Variants in DCC observed in about 807,000 individuals in gnomAD.
DCC encodes the protein DCC netrin 1 receptor, also known as netrin receptor DCC.
A neutral mutation model predicts 172.5 loss-of-function variants in DCC; 58 were observed. That is an observed-to-expected ratio of 0.34 (90% CI 0.27 to 0.42). DCC has a LOEUF of 0.42. Among genes scored for constraint, DCC ranks in the 10% least tolerant of loss-of-function variants. The pLI is 1.00. For missense variants in DCC, 1,740 were observed against 1,791.0 expected, an observed-to-expected ratio of 0.97 and a Z score of 0.51; for synonymous variants, 709 against 644.5, an observed-to-expected ratio of 1.10 and a Z score of -1.52.
At chr18:52,473,117 A>G (rs976141840) in intron 1 of DCC, among the ~76,000 whole-genome samples, 47 of 152,242 alleles carry the variant, frequency 3.1e-4, no homozygotes, top group African/African-American at 1.1e-3. Flanking sequence ...CAATGTTTTC[A>G]TTATTTTTAG....
intron 2 of DCC, among the ~76,000 whole-genome samples, chr18:52,766,273 G>A (rs1393570775): frequency 6.6e-6 from 1 of 152,230 alleles, no homozygotes; most frequent in East Asian, 1.9e-4. Context: ...CAGGTGGGGT[G>A]CCTGCAATTC....
intron 1 of DCC, among the ~76,000 whole-genome samples, chr18:52,683,337 A>G (rs977891452): frequency 5.9e-5 from 9 of 152,138 alleles, no homozygotes; most frequent in African/African-American, 2.2e-4. Context: ...TTGGTATTCT[A>G]TAATAGGTAG....
intron 7 of DCC, among the ~76,000 whole-genome samples, chr18:53,072,520 G>T (rs912561363): frequency 6.6e-6 from 1 of 152,192 alleles, no homozygotes; most frequent in Non-Finnish European, 1.5e-5. Context: ...CTGCTGAGCA[G>T]GGAAGTGGAG....
chr18:53,488,005 C>T (rs2045920892), intron 26 of DCC, among the ~76,000 whole-genome samples: 1 of 152,128 alleles, frequency 6.6e-6, no homozygotes, highest in South Asian at 2.1e-4. Context: ...TAAAATGAAG[C>T]TCTCTGCAAC....
intron 1 of DCC, among the ~76,000 whole-genome samples, chr18:52,679,404 T>A (rs2035702785): frequency 6.6e-6 from 1 of 152,108 alleles, no homozygotes; most frequent in Non-Finnish European, 1.5e-5. Flanking sequence ...TTGTTGTTGA[T>A]GATGATGATT....
intron 22 of DCC, among the ~76,000 whole-genome samples, chr18:53,445,226 G>A (rs960914549): frequency 4.3e-4 from 66 of 152,132 alleles, no homozygotes; most frequent in Admixed American, 3.2e-3. Context: ...GATCAAGGCC[G>A]TATGAACTTT....
intron 2 of DCC, among the ~76,000 whole-genome samples, chr18:52,769,199 A>G (rs531718352): frequency 1.3e-5 from 2 of 152,340 alleles, no homozygotes; most frequent in African/African-American, 4.8e-5. Context: ...TTCCACTAGC[A>G]ATTAATGACA....
At chr18:52,547,759 C>A (rs1376088857) in intron 1 of DCC, among the ~76,000 whole-genome samples, 1 of 152,056 alleles carries the variant, frequency 6.6e-6, no homozygotes, top group Non-Finnish European at 1.5e-5. Context: ...GGAACAAAGG[C>A]AGGGATGTTA....
intron 9 of DCC, among the ~76,000 whole-genome samples, chr18:53,189,765 A>G (rs1313802694): frequency 6.6e-6 from 1 of 152,188 alleles, no homozygotes; most frequent in Non-Finnish European, 1.5e-5. Flanking sequence ...AAGGAAACTA[A>G]TAAGTGAATG....
chr18:52,946,546 G>T (rs1161907121), intron 5 of DCC, among the ~76,000 whole-genome samples: 3 of 152,128 alleles, frequency 2.0e-5, no homozygotes, highest in Non-Finnish European at 4.4e-5. Context: ...CGTAGATTGG[G>T]TTCAAGTCTG....
chr18:52,556,600 A>G (rs556833103), intron 1 of DCC, among the ~76,000 whole-genome samples: 9 of 152,246 alleles, frequency 5.9e-5, no homozygotes, highest in Non-Finnish European at 1.3e-4. Context: ...TTTTCACAGT[A>G]AAAATCTCAC....
chr18:52,955,115 G>A (rs2040720698), intron 5 of DCC, among the ~76,000 whole-genome samples: 1 of 152,082 alleles, frequency 6.6e-6, no homozygotes, highest in African/African-American at 2.4e-5. Flanking sequence ...GTACATTTGT[G>A]TTATATGGGT....
At position 53,252,581 on chromosome 18, in the gene DCC, T is replaced by G. The variant is rs560255173; in HGVS notation, c.1911+36984T>G. Among the ~76,000 whole-genome samples the G allele has an allele frequency of 5.3e-5, 8 of 152,082 alleles. No homozygotes were observed. In the South Asian group the frequency reaches 1.7e-3, roughly 32 times the overall value. The stretch of plus-strand genomic sequence containing the variant: ...CATTCCATGAGAAATAATGAAATTG[T>G]GCTAGACCAAGCAATAGCAACAATG... On this transcript the variant is annotated intron_variant, in intron 12 of 28. Coordinates refer to ENST00000442544, the MANE Select transcript of DCC (RefSeq NM_005215.4).
intron 20 of DCC, among the ~76,000 whole-genome samples, chr18:53,411,890 G>A (rs993013822): frequency 6.6e-6 from 1 of 152,128 alleles, no homozygotes. Flanking sequence ...TTTTGTGGCA[G>A]CATGAAATGT....
At chr18:53,012,233 A>G (rs2041740652) in intron 5 of DCC, among the ~76,000 whole-genome samples, 1 of 152,016 alleles carries the variant, frequency 6.6e-6, no homozygotes, top group South Asian at 2.1e-4. Context: ...AATTGCCAAA[A>G]GAAGGTATTC....
At chr18:53,179,214 C>A in intron 9 of DCC, 98 bp downstream of exon 9, 2 of 1,226,724 alleles carry the variant, frequency 1.6e-6, no homozygotes, top group Non-Finnish European at 1.2e-6. Flanking sequence ...GTGACAAAAG[C>A]GAAGAAGAGT....
chr18:53,195,593 G>A (rs767786949), intron 9 of DCC, among the ~76,000 whole-genome samples: 1 of 152,082 alleles, frequency 6.6e-6, no homozygotes, highest in African/African-American at 2.4e-5. Flanking sequence ...CTTCCACGAG[G>A]TATAGGGTCG....
At chr18:52,574,301 T>C (rs963058159) in intron 1 of DCC, among the ~76,000 whole-genome samples, 5 of 152,210 alleles carry the variant, frequency 3.3e-5, no homozygotes, top group African/African-American at 9.6e-5. Context: ...CCTGCATTTA[T>C]GAATGTGGAT....
At chr18:52,803,652 C>CA (rs1007560912) in intron 2 of DCC, among the ~76,000 whole-genome samples, 1 of 151,992 alleles carries the variant, frequency 6.6e-6, no homozygotes, top group African/African-American at 2.4e-5. Flanking sequence ...TGCAAATCTC[C>CA]AAAAAAAGTT....
Sources: gnomAD v4.1 joint callset for allele counts (sites outside exome capture counted in the v4.1 genomes callset) on GRCh38, gnomAD v4.1.1 for gene constraint, MANE v1.5 for transcripts, NCBI Gene and HGNC (gene_info 2026-07-23, HGNC 2026-07-21) for gene names.